Variants in MACF1 observed in about 807,000 individuals in gnomAD.
The protein encoded by MACF1 is microtubule actin crosslinking factor 1.
Under a neutral mutation model 854.8 loss-of-function variants are expected in MACF1, and 193 were observed. That is an observed-to-expected ratio of 0.23 (90% confidence interval 0.20 to 0.25). The LOEUF is 0.25. Among genes scored for constraint, MACF1 ranks in the 10% least tolerant of loss-of-function variants. The probability of loss-of-function intolerance (pLI) is 1.00; values close to 1 mark genes in which losing one functional copy is unlikely to be tolerated. For missense variants in MACF1, 7,722 were observed against 8,929.1 expected (o/e 0.86, Z 5.45); for synonymous variants, 3,185 against 3,226.7 (o/e 0.99, Z 0.44).
intron 73 of MACF1, 37 bp from the exon 74 acceptor site, chr1:39,441,187 A>G: frequency 1.2e-6 from 2 of 1,613,882 alleles, no homozygotes; most frequent in Non-Finnish European, 1.7e-6. Flanking sequence ...GAAGAGTGGT[A>G]TTGATTGAAG....
intron 23 of MACF1, among the ~76,000 whole-genome samples, chr1:39,308,009 A>G (rs1646225044): frequency 7.4e-6 from 1 of 134,380 alleles, no homozygotes; most frequent in Admixed American, 8.6e-5. Flanking sequence ...GGTTCACTCC[A>G]TTCTCCCGCC....
At position 39,469,593 on chromosome 1, in the gene MACF1, G is replaced by A. The variant is rs572591474; in HGVS notation, c.21936G>A (p.Ser7312=). 8.4e-6 allele frequency: 13 copies of A among 1,550,490 alleles called. No homozygotes were observed. In the South Asian group the frequency reaches 9.5e-5, roughly 11 times the overall value. ...SKIKRSDSSS[S]ISSQSPIARG... is the part of the protein sequence containing the mutation. ...TAAAGCGCTCTGATTCCAGCTCTTC[G>A]ATTTCCAGTCAGTCTCCCATAGGTT... The change falls in exon 97 of 101, where the codon TCG becomes TCA. Residue 7312 remains serine (S), a synonymous_variant. Coordinates refer to ENST00000564288, the MANE Select transcript of MACF1 (RefSeq NM_001394062.1).
chr1:39,174,049 C>T (rs1012690248), intron 2 of MACF1, among the ~76,000 whole-genome samples: 5 of 151,934 alleles, frequency 3.3e-5, no homozygotes, highest in African/African-American at 1.2e-4. Context: ...TCGTGCTTTA[C>T]CGCACATTTG....
intron 2 of MACF1, among the ~76,000 whole-genome samples, chr1:39,157,853 C>T (rs1217326601): frequency 4.6e-5 from 7 of 151,996 alleles, no homozygotes; most frequent in East Asian, 3.9e-4. Context: ...ACTGCAGGAA[C>T]GTACCACCAC....
In MACF1 at chr1:39,459,172, G is replaced by C; in HGVS notation, c.21283G>C (p.Ala7095Pro). The change falls in exon 91 of 101, where the codon GCC becomes CCC. Residue 7095 changes from alanine (A) to proline (P), a missense_variant. By Grantham distance (27) the Ala-to-Pro change is conservative. This residue lies in a region of MACF1 where 729 missense variants were observed against 900.5 expected (regional missense o/e 0.81). Coordinates refer to ENST00000564288, the MANE Select transcript of MACF1 (RefSeq NM_001394062.1). ...AKNPRINQLS[A>P]RWQQVWLLAL... The stretch of plus-strand genomic sequence containing the variant: ...AAACCCACGGATCAACCAGCTTTCT[G>C]CCCGCTGGCAGCAGGTGTGGCTGTT... 1 of 1,614,070 alleles carries C rather than the reference G, an allele frequency of 6.2e-7. No homozygotes were observed. Among genetic ancestry groups the C allele is most frequent in the Non-Finnish European group, 8.5e-7 (1 of 1,180,010 alleles).
Position 39,480,919 on chromosome 1 carries a change from G to A in MACF1, c.22171-1G>A, listed in dbSNP as rs1287565723. 7.9e-6 allele frequency: 12 copies of A among 1,523,770 alleles called. No homozygotes were observed. In the East Asian group the frequency reaches 2.5e-4, roughly 31 times the overall value. 94.4% of individuals were successfully genotyped at this position (1,523,770 alleles called of 1,614,324 possible). On this transcript the variant is annotated splice_acceptor_variant, in intron 98 of 100. Transcript: ENST00000564288. LOFTEE classifies it high-confidence loss of function. ...CTTCCCTTTGGATTTCCGTTTCACA[G>A]ACTTCACTTCAGTTCTCTCGCTGTT...
rs1211806168 is a variant in MACF1 at position 39,447,450 on chromosome 1, C to T, written c.19624C>T (p.Leu6542Phe). 1.9e-6 allele frequency: 3 copies of T among 1,614,046 alleles called. No homozygotes were observed. Among genetic ancestry groups the T allele is most frequent in the East Asian group, 4.5e-5 (2 of 44,878 alleles). Residue 6542 changes from leucine (L) to phenylalanine (F), a missense_variant, in exon 81 of 101, where the codon CTC (leucine) becomes TTC (phenylalanine). By Grantham distance (22) the Leu-to-Phe change is conservative (BLOSUM62 0). Around this residue, in one of 15 missense-constraint regions of MACF1, gnomAD observed 729 missense variants for 900.5 expected, o/e 0.81. Transcript: ENST00000564288. Reference protein sequence around the residue: ...EERKSKLEEALNLATEFQNSL... With the variant: ...EERKSKLEEAFNLATEFQNSL... Reference sequence around the variant, plus strand: ...AATTCAGTCAAAGCTGGAAGAGGCCCTCAACTTGGCAACAGAATTCCAGAA... The same window carrying T: ...AATTCAGTCAAAGCTGGAAGAGGCCTTCAACTTGGCAACAGAATTCCAGAA...
intron 2 of MACF1, among the ~76,000 whole-genome samples, chr1:39,175,941 CAAAAAAAA>C (rs68102262): frequency 1.1e-4 from 11 of 98,546 alleles, no homozygotes; most frequent in African/African-American, 4.1e-4. Context: ...ACTAAAAATA[CAAAAAAAA>C]AAAAAAAAAA....
intron 100 of MACF1, 142 bp downstream of exon 100, chr1:39,484,872 C>G: frequency 1.1e-6 from 1 of 902,202 alleles, no homozygotes; most frequent in South Asian, 1.5e-5. Flanking sequence ...TGCAGATGCT[C>G]AAGTGACCTT....
At chr1:39,364,645 A>G (rs968643564) in intron 49 of MACF1, among the ~76,000 whole-genome samples, 1 of 152,058 alleles carries the variant, frequency 6.6e-6, no homozygotes, top group African/African-American at 2.4e-5. Flanking sequence ...GGTGCCTGCC[A>G]CCGCGCCTGG....
intron 2 of MACF1, chr1:39,102,667 C>T: frequency 1.5e-6 from 1 of 671,922 alleles, no homozygotes; most frequent in Non-Finnish European, 2.7e-6. Flanking sequence ...GGATAAAGGG[C>T]ATTAATTTCC....
chr1:39,304,439 C>A, intron 23 of MACF1: 1 of 1,389,838 alleles, frequency 7.2e-7, no homozygotes, highest in East Asian at 2.3e-5. Flanking sequence ...TCCACCCTTT[C>A]CTTTAGAACC....
chr1:39,216,464 A>G, intron 1 of MACF1, among the ~76,000 whole-genome samples: 1 of 152,194 alleles, frequency 6.6e-6, no homozygotes, highest in East Asian at 1.9e-4. Context: ...TTGTGACCCA[A>G]ATAGGCAGAT....
intron 2 of MACF1, among the ~76,000 whole-genome samples, chr1:39,130,937 G>T (rs373670362): frequency 7.9e-5 from 12 of 151,556 alleles, no homozygotes; most frequent in East Asian, 5.8e-4. Flanking sequence ...CGCCTCCCGG[G>T]TTCAAGCAAT....
chr1:39,419,691 G>A (rs1227028062), intron 58 of MACF1, among the ~76,000 whole-genome samples: 2 of 151,758 alleles, frequency 1.3e-5, no homozygotes, highest in Non-Finnish European at 2.9e-5. Flanking sequence ...GGAGTGCAGT[G>A]GCATGATCTC....
upstream of MACF1, among the ~76,000 whole-genome samples, chr1:39,200,064 G>A (rs892770770): frequency 6.6e-6 from 1 of 152,134 alleles, no homozygotes; most frequent in Non-Finnish European, 1.5e-5. Flanking sequence ...AATCGCTCCA[G>A]TCAGGCTTTT....
At chr1:39,124,733 C>T (rs1642816472) in intron 2 of MACF1, among the ~76,000 whole-genome samples, 1 of 152,140 alleles carries the variant, frequency 6.6e-6, no homozygotes, top group African/African-American at 2.4e-5. Context: ...TATTAATGTG[C>T]CAGGCATAAT....
In MACF1 at chr1:39,411,425, G is replaced by A. The variant is rs1299490884; in HGVS notation, c.15817-10949G>A. The A allele has an allele frequency of 5.6e-6, 9 of 1,613,946 alleles. No homozygotes were observed. The South Asian group carries it at 8.8e-5, about 16-fold the overall frequency. On this transcript the variant is annotated intron_variant, in intron 58 of 100. Coordinates refer to ENST00000564288, the MANE Select transcript of MACF1 (RefSeq NM_001394062.1). ...TTAGCTGCTGTCTTGAGGACTTTTGGCCACCTATCTCTTGGTCAGATTTGT... is the reference window on the plus strand; with the variant it reads ...TTAGCTGCTGTCTTGAGGACTTTTGACCACCTATCTCTTGGTCAGATTTGT...
intron 40 of MACF1, among the ~76,000 whole-genome samples, chr1:39,345,579 C>A (rs1647026520): frequency 6.6e-6 from 1 of 152,166 alleles, no homozygotes; most frequent in African/African-American, 2.4e-5. Flanking sequence ...TCACTGCACT[C>A]CAGCCTGGGT....
Sources: gnomAD v4.1 joint callset for allele counts (sites outside exome capture counted in the v4.1 genomes callset) on GRCh38, gnomAD v4.1.1 for gene constraint, gnomAD v4.1.1 regional missense constraint, MANE v1.5 for transcripts, NCBI Gene and HGNC (gene_info 2026-07-23, HGNC 2026-07-21) for gene names.